GRIN2B: variants seen among roughly 807,000 people sequenced by gnomAD.
The protein encoded by GRIN2B is glutamate ionotropic receptor NMDA type subunit 2B, also known as glutamate receptor ionotropic, NMDA 2B.
Under a neutral mutation model 114.5 loss-of-function variants are expected in GRIN2B, and 5 were observed. The ratio of observed to expected loss-of-function variants is 0.04; its 90% confidence interval spans 0.02 to 0.09. The LOEUF (loss-of-function observed/expected upper bound fraction) is 0.09, where lower values mean the gene tolerates loss of function less well. Among genes scored for constraint, GRIN2B ranks in the 10% least tolerant of loss-of-function variants. GRIN2B has a pLI of 1.00. For synonymous variants in GRIN2B, 787 were observed against 745.1 expected, an observed-to-expected ratio of 1.06 and a Z score of -0.92; for missense variants, 1,108 against 1,943.5, an observed-to-expected ratio of 0.57 and a Z score of 8.08.
At chr12:13,601,498 A>C (rs1949159950) in intron 10 of GRIN2B, among the ~76,000 whole-genome samples, 1 of 151,314 alleles carries the variant, frequency 6.6e-6, no homozygotes, top group Non-Finnish European at 1.5e-5. Flanking sequence ...GAGATCTTTA[A>C]CTTAATTACA....
chr12:13,934,678 A>G (rs1272771456), intron 2 of GRIN2B, among the ~76,000 whole-genome samples: 1 of 151,678 alleles, frequency 6.6e-6, no homozygotes, highest in African/African-American at 2.4e-5. Flanking sequence ...GCCATCACGT[A>G]CAACTTCATC....
chr12:13,605,750 G>A (rs2136463030), intron 10 of GRIN2B, among the ~76,000 whole-genome samples: 1 of 152,124 alleles, frequency 6.6e-6, no homozygotes, highest in East Asian at 1.9e-4. Flanking sequence ...TCTCAGTTAT[G>A]CTTAGTTCAA....
intron 4 of GRIN2B, among the ~76,000 whole-genome samples, chr12:13,717,480 A>G (rs1950466410): frequency 6.6e-6 from 1 of 151,964 alleles, no homozygotes; most frequent in Admixed American, 6.6e-5. Context: ...CTACCCGACA[A>G]CACAGCAGTA....
intron 5 of GRIN2B, among the ~76,000 whole-genome samples, chr12:13,641,851 T>C (rs1306322136): frequency 6.6e-6 from 1 of 152,134 alleles, no homozygotes; most frequent in Non-Finnish European, 1.5e-5. Context: ...CAAGGCTGTA[T>C]TTCTATACAA....
At chr12:13,759,174 AT>A (rs992653910) in intron 3 of GRIN2B, among the ~76,000 whole-genome samples, 76 of 150,886 alleles carry the variant, frequency 5.0e-4, no homozygotes, top group African/African-American at 1.8e-3. Context: ...CACCCAGCTA[AT>A]TTTTTTTGTA....
At chr12:13,596,602 T>C (rs1949076525) in intron 10 of GRIN2B, among the ~76,000 whole-genome samples, 1 of 152,344 alleles carries the variant, frequency 6.6e-6, no homozygotes, top group South Asian at 2.1e-4. Flanking sequence ...TGTAGCTGGA[T>C]TAAGTAAACA....
At chr12:13,624,307 C>T (rs924012666) in intron 5 of GRIN2B, among the ~76,000 whole-genome samples, 1 of 152,182 alleles carries the variant, frequency 6.6e-6, no homozygotes, top group Admixed American at 6.5e-5. Flanking sequence ...TGCACACCCT[C>T]CACAAAGCCT....
intron 4 of GRIN2B, among the ~76,000 whole-genome samples, chr12:13,703,767 T>G (rs1950333251): frequency 6.6e-6 from 1 of 152,172 alleles, no homozygotes; most frequent in Admixed American, 6.5e-5. Context: ...TTATTTTAAG[T>G]AAGGTTGACC....
At chr12:13,747,360 T>C (rs974901709) in intron 4 of GRIN2B, among the ~76,000 whole-genome samples, 7 of 152,144 alleles carry the variant, frequency 4.6e-5, no homozygotes, top group Non-Finnish European at 1.0e-4. Context: ...AACAGAAGAG[T>C]TTGAATCGTC....
chr12:13,953,958 T>C lies in GRIN2B; in HGVS notation c.-19+25970A>G, dbSNP rs149356221. Among the ~76,000 whole-genome samples the C allele has an allele frequency of 3.2e-3, 491 of 152,328 alleles. 2 individuals carry two copies. Among genetic ancestry groups the C allele is most frequent in the Middle Eastern group, 0.02 (6 of 294 alleles). ...CAGACTAGGGATAAAAACCCCCAAA[T>C]GTTTTACTCATCAAAATGTGGGATT... On this transcript the variant is annotated intron_variant, in intron 2 of 13. Coordinates refer to ENST00000609686, the MANE Select transcript of GRIN2B (RefSeq NM_000834.5).
chr12:13,891,612 C>A (rs1866263436), intron 2 of GRIN2B, among the ~76,000 whole-genome samples: 1 of 89,518 alleles, frequency 1.1e-5, no homozygotes. Flanking sequence ...GGCCACACAA[C>A]CTTTCTAATG....
chr12:13,928,871 G>A (rs1291062166), intron 2 of GRIN2B, among the ~76,000 whole-genome samples: 1 of 152,212 alleles, frequency 6.6e-6, no homozygotes, highest in East Asian at 1.9e-4. Flanking sequence ...ATCAGGTACT[G>A]TCCCAGGACA....
intron 2 of GRIN2B, among the ~76,000 whole-genome samples, chr12:13,972,787 T>A (rs1431793115): frequency 6.6e-6 from 1 of 152,250 alleles, no homozygotes; most frequent in African/African-American, 2.4e-5. Flanking sequence ...TCTATTATCC[T>A]GTGCCACACA....
intron 4 of GRIN2B, among the ~76,000 whole-genome samples, chr12:13,715,064 G>A (rs1480056431): frequency 6.6e-6 from 1 of 151,826 alleles, no homozygotes; most frequent in Non-Finnish European, 1.5e-5. Context: ...GGTCTTAACG[G>A]TGCTAAACGT....
chr12:13,608,475 A>G, intron 10 of GRIN2B, 128 bp downstream of exon 10: 2 of 724,040 alleles, frequency 2.8e-6, no homozygotes, highest in Non-Finnish European at 5.0e-6. Flanking sequence ...CCATGTTCCA[A>G]TACAAGAAAA....
chr12:13,651,314 A>G (rs1459061797), intron 5 of GRIN2B, among the ~76,000 whole-genome samples: 1 of 152,104 alleles, frequency 6.6e-6, no homozygotes, highest in Non-Finnish European at 1.5e-5. Context: ...CATGTGGTCA[A>G]TAAAATTAAT....
intron 3 of GRIN2B, among the ~76,000 whole-genome samples, chr12:13,773,269 G>A (rs1462661171): frequency 6.6e-6 from 1 of 152,156 alleles, no homozygotes; most frequent in Admixed American, 6.5e-5. Context: ...GTCTAAAGTA[G>A]CTAGCATGTC....
intron 2 of GRIN2B, among the ~76,000 whole-genome samples, chr12:13,923,528 A>T (rs926429726): frequency 6.6e-6 from 1 of 152,228 alleles, no homozygotes; most frequent in Non-Finnish European, 1.5e-5. Flanking sequence ...TCTATGGTAC[A>T]TTGTCTGAGT....
intron 2 of GRIN2B, among the ~76,000 whole-genome samples, chr12:13,910,614 C>A (rs1193677010): frequency 6.6e-6 from 1 of 152,196 alleles, no homozygotes; most frequent in African/African-American, 2.4e-5. Context: ...GCTCTGCCAC[C>A]AATTCACATT....
Sources: allele counts gnomAD v4.1 joint callset (sites outside exome capture counted in the v4.1 genomes callset), GRCh38; gene constraint gnomAD v4.1.1; transcripts MANE v1.5; gene names NCBI Gene and HGNC (gene_info 2026-07-23, HGNC 2026-07-21).